DLGAP2: variants seen among roughly 807,000 people sequenced by gnomAD.
The protein encoded by DLGAP2 is disks large-associated protein 2.
In DLGAP2, 26 loss-of-function variants were observed where a neutral mutation model predicts 100.3. The observed-to-expected ratio is 0.26, with a 90% CI of 0.19 to 0.36. DLGAP2 has a LOEUF of 0.36. DLGAP2 is among the 10% of genes least tolerant of loss of function. The pLI is 1.00. For synonymous variants in DLGAP2, 886 were observed against 630.1 expected (o/e 1.41, Z -6.08); for missense variants, 1,858 against 1,453.2 (o/e 1.28, Z -4.53).
At chr8:1,041,076 G>A (rs1802333490) in intron 2 of DLGAP2, among the ~76,000 whole-genome samples, 1 of 152,164 alleles carries the variant, frequency 6.6e-6, no homozygotes, top group Non-Finnish European at 1.5e-5. Context: ...AAATGGTGCA[G>A]ACTGCTCTCC....
chr8:1,135,100 C>T (rs973420957), intron 2 of DLGAP2, among the ~76,000 whole-genome samples: 2 of 152,210 alleles, frequency 1.3e-5, no homozygotes, highest in African/African-American at 2.4e-5. Context: ...CCCAAGGACT[C>T]TAACACCTTA....
At chr8:972,206 T>G (rs1800031033) in intron 2 of DLGAP2, among the ~76,000 whole-genome samples, 1 of 152,216 alleles carries the variant, frequency 6.6e-6, no homozygotes, top group South Asian at 2.1e-4. Context: ...AAAGTTTCAT[T>G]TATCTTAGTG....
chr8:1,168,151 C>G (rs28412488), intron 2 of DLGAP2, among the ~76,000 whole-genome samples: 90,615 of 149,344 alleles, frequency 0.61, 28,186 homozygotes, highest in Non-Finnish European at 0.68. Flanking sequence ...TTGTTCTTGC[C>G]ATAGTTTACT....
At chr8:1,690,056 G>C (rs1422244117) in intron 12 of DLGAP2, among the ~76,000 whole-genome samples, 2 of 152,184 alleles carry the variant, frequency 1.3e-5, no homozygotes, top group Non-Finnish European at 2.9e-5. Flanking sequence ...GCTGACAGCA[G>C]ACTCAAGAGA....
At chr8:1,574,362 C>G (rs1371983541) in intron 6 of DLGAP2, among the ~76,000 whole-genome samples, 2 of 152,150 alleles carry the variant, frequency 1.3e-5, no homozygotes, top group African/African-American at 2.4e-5. Flanking sequence ...CCTCGCCGCT[C>G]TGGTAACTGT....
In DLGAP2 at chr8:907,639, G is replaced by A. The variant is rs538766391; in HGVS notation, c.19-273G>A. Among the ~76,000 whole-genome samples the A allele has an allele frequency of 2.6e-5, 4 of 152,270 alleles. No individual in the cohort carries two copies. The East Asian group carries it at 7.7e-4, about 29-fold the overall frequency. On this transcript the variant is annotated intron_variant, in intron 1 of 14. Coordinates refer to ENST00000637795, the MANE Select transcript of DLGAP2 (RefSeq NM_001346810.2). ...CCTGGAGTACAGCTTTCAAGACCCTGATGGCCCATTAGGGGCATCCATTAA... is the reference window on the plus strand; with the variant it reads ...CCTGGAGTACAGCTTTCAAGACCCTAATGGCCCATTAGGGGCATCCATTAA...
intron 1 of DLGAP2, among the ~76,000 whole-genome samples, chr8:789,559 A>C (rs1024997922): frequency 6.6e-6 from 1 of 152,220 alleles, no homozygotes; most frequent in African/African-American, 2.4e-5. Context: ...TGTCTTTTGC[A>C]GAAAACTGAC....
At chr8:961,712 A>G (rs1293182398) in intron 2 of DLGAP2, among the ~76,000 whole-genome samples, 1 of 152,212 alleles carries the variant, frequency 6.6e-6, no homozygotes, top group African/African-American at 2.4e-5. Context: ...AAACATAACT[A>G]TGTGAAAATT....
intron 6 of DLGAP2, among the ~76,000 whole-genome samples, chr8:1,567,816 C>G (rs531782567): frequency 6.6e-6 from 1 of 152,332 alleles, no homozygotes; most frequent in East Asian, 1.9e-4. Flanking sequence ...CTGACAGCAT[C>G]ACCTAAACAC....
intron 3 of DLGAP2, among the ~76,000 whole-genome samples, chr8:1,264,438 G>A (rs927436336): frequency 3.9e-5 from 6 of 152,116 alleles, no homozygotes; most frequent in African/African-American, 9.7e-5. Context: ...GAAGCTCATC[G>A]CACATCCAGG....
intron 2 of DLGAP2, among the ~76,000 whole-genome samples, chr8:954,026 T>G (rs1477715663): frequency 1.3e-5 from 2 of 152,224 alleles, no homozygotes; most frequent in Non-Finnish European, 2.9e-5. Context: ...AGCAAGCAGC[T>G]AGCTCTCCCC....
intron 3 of DLGAP2, among the ~76,000 whole-genome samples, chr8:1,326,321 A>C (rs757224365): frequency 6.6e-6 from 1 of 152,250 alleles, no homozygotes; most frequent in African/African-American, 2.4e-5. Context: ...TTCTTCCTGG[A>C]ACAGTGGAAA....
At chr8:1,551,295 T>A (rs1284433572) in intron 5 of DLGAP2, among the ~76,000 whole-genome samples, 1 of 152,246 alleles carries the variant, frequency 6.6e-6, no homozygotes, top group Non-Finnish European at 1.5e-5. Flanking sequence ...GGGTTCACTC[T>A]GATCTGTCTC....
At chr8:1,252,633 C>T (rs1160728987) in intron 2 of DLGAP2, among the ~76,000 whole-genome samples, 3 of 152,276 alleles carry the variant, frequency 2.0e-5, no homozygotes, top group African/African-American at 7.2e-5. Flanking sequence ...TTCACATATT[C>T]TTGACAAAGA....
At position 764,596 on chromosome 8, in the gene DLGAP2, A is replaced by T. The variant is rs566356943; in HGVS notation, c.18+26771A>T. Among the ~76,000 whole-genome samples the T allele has an allele frequency of 5.3e-5, 8 of 152,242 alleles. No individual in the cohort carries two copies. The South Asian group carries it at 1.7e-3, about 32-fold the overall frequency. On this transcript the variant is annotated intron_variant, in intron 1 of 14. Transcript: ENST00000637795. ...CCGAGTCCAAGCTCTTCTCAGTTTT[A>T]TTGTTAGGTAATAAAAAATCACCCT... is the stretch of plus-strand genomic sequence containing the variant.
intron 4 of DLGAP2, among the ~76,000 whole-genome samples, chr8:1,522,288 T>C (rs1280608537): frequency 6.6e-6 from 1 of 152,252 alleles, no homozygotes; most frequent in Non-Finnish European, 1.5e-5. Context: ...GTTCTGTTTC[T>C]TCAAGCTGTG....
intron 2 of DLGAP2, among the ~76,000 whole-genome samples, chr8:1,100,508 G>A (rs1169028255): frequency 1.7e-5 from 2 of 118,146 alleles, no homozygotes; most frequent in African/African-American, 5.8e-5. Flanking sequence ...AGAGTTTGTG[G>A]TGTGTGTGTG....
At chr8:1,644,191 G>A (rs1313059386) in intron 8 of DLGAP2, among the ~76,000 whole-genome samples, 7 of 152,214 alleles carry the variant, frequency 4.6e-5, no homozygotes, top group Non-Finnish European at 1.0e-4. Context: ...GCCTCCAGGG[G>A]CCTGGCAGGA....
chr8:1,192,408 C>T (rs547019972), intron 2 of DLGAP2, among the ~76,000 whole-genome samples: 67 of 152,256 alleles, frequency 4.4e-4, no homozygotes, highest in South Asian at 1.5e-3. Flanking sequence ...CACTTTTTTG[C>T]GGTGAGAACA....
Sources: allele counts gnomAD v4.1 joint callset (sites outside exome capture counted in the v4.1 genomes callset), GRCh38; gene constraint gnomAD v4.1.1; transcripts MANE v1.5; gene names NCBI Gene and HGNC (gene_info 2026-07-23, HGNC 2026-07-21).